ANKFY1: variants seen among roughly 807,000 people sequenced by gnomAD.
The protein encoded by ANKFY1 is ankyrin repeat and FYVE domain-containing protein 1.
A neutral mutation model predicts 128.3 loss-of-function variants in ANKFY1; 47 were observed. The ratio of observed to expected loss-of-function variants is 0.37; its 90% CI spans 0.29 to 0.47. ANKFY1 has a LOEUF of 0.47. Ranked by LOEUF, ANKFY1 falls within the 20% of genes least tolerant of loss-of-function variation. The probability of loss-of-function intolerance (pLI) is 1.00; values close to 1 mark genes in which losing one functional copy is unlikely to be tolerated. For synonymous variants in ANKFY1, 553 were observed against 601.6 expected, an observed-to-expected ratio of 0.92 and a Z score of 1.18; for missense variants, 1,222 against 1,510.6, an observed-to-expected ratio of 0.81 and a Z score of 3.17.
chr17:4,261,469 G>C (rs990375891), intron 1 of ANKFY1, among the ~76,000 whole-genome samples: 10 of 152,352 alleles, frequency 6.6e-5, no homozygotes, highest in Middle Eastern at 6.8e-3. Context: ...AACAGAGCGA[G>C]ACTCCCTCAA....
intron 1 of ANKFY1, among the ~76,000 whole-genome samples, chr17:4,254,298 C>A (rs1251789997): frequency 1.0e-5 from 1 of 98,806 alleles, no homozygotes; most frequent in Non-Finnish European, 1.8e-5. Context: ...AGTGAGACTC[C>A]ATCTCAAAAA....
intron 2 of ANKFY1, among the ~76,000 whole-genome samples, chr17:4,239,872 T>C (rs1340179375): frequency 6.6e-6 from 1 of 152,100 alleles, no homozygotes; most frequent in Non-Finnish European, 1.5e-5. Flanking sequence ...CTAAGTCTTA[T>C]GTAGACTGAG....
intron 7 of ANKFY1, among the ~76,000 whole-genome samples, chr17:4,205,714 C>T (rs1317038738): frequency 6.7e-6 from 1 of 150,156 alleles, no homozygotes; most frequent in East Asian, 2.0e-4. Context: ...TGCACTCCAG[C>T]CTGGGCGACA....
In ANKFY1 at chr17:4,209,809, C is replaced by A; in HGVS notation, c.582+15G>T. The A allele has an allele frequency of 6.2e-7, 1 of 1,607,324 alleles. No individual in the cohort carries two copies. The highest frequency in any genetic ancestry group is 8.5e-7 in the Non-Finnish European group (1 of 1,174,600). ...CCAGCTAGAGTGCTTTGTTGACACC[C>A]TCAACCTCACTCACCCAATGACTTG... On this transcript the variant is annotated intron_variant, in intron 5 of 24. Transcript: ENST00000341657.
At chr17:4,215,450 C>G (rs112325625) in intron 4 of ANKFY1, among the ~76,000 whole-genome samples, 1 of 152,084 alleles carries the variant, frequency 6.6e-6, no homozygotes. Flanking sequence ...AAAAGAGCAA[C>G]GGCTGCTTCA....
At chr17:4,172,131 A>G (rs2059332595) in intron 22 of ANKFY1, among the ~76,000 whole-genome samples, 1 of 152,076 alleles carries the variant, frequency 6.6e-6, no homozygotes, top group Non-Finnish European at 1.5e-5. Context: ...ATAAGAAGGC[A>G]CCCCGTGTAT....
At chr17:4,189,689 ACGC>A (rs879588240) in intron 10 of ANKFY1, among the ~76,000 whole-genome samples, 6,433 of 148,886 alleles carry the variant, frequency 0.043, 188 homozygotes, top group African/African-American at 0.069. Context: ...CAGTAGGCCC[ACGC>A]CAGACAGTAG....
In ANKFY1 at chr17:4,235,877, T is replaced by G. The variant is rs753370039; in HGVS notation, c.217A>C (p.Lys73Gln). 6.2e-7 allele frequency: 1 copy of G among 1,613,362 alleles called. No homozygotes were observed. The highest frequency in any genetic ancestry group is 2.2e-5 in the East Asian group (1 of 44,884). ...GCACTGATGTGCCTGTCCCCAACCT[T>G]TATCTTCAGATCGCTGATGAAGAAA... is the stretch of plus-strand genomic sequence containing the variant. Reference protein sequence around the residue: ...EQEQYSDLKIKVGDRHISAHK... With the variant: ...EQEQYSDLKIQVGDRHISAHK... The change falls in exon 3 of 25, where the codon AAG becomes CAG. Residue 73 changes from lysine to glutamine, a missense_variant. Coordinates refer to ENST00000341657, the MANE Select transcript of ANKFY1 (RefSeq NM_001330063.2).
intron 21 of ANKFY1, among the ~76,000 whole-genome samples, 170 bp from the exon 22 acceptor site, chr17:4,172,850 C>A (rs2059345815): frequency 1.1e-4 from 17 of 152,194 alleles, no homozygotes; most frequent in Admixed American, 1.1e-3. Context: ...TAAGTGCATG[C>A]ATAACAAAAG....
chr17:4,174,993 T>C (rs1423720845), intron 19 of ANKFY1, among the ~76,000 whole-genome samples: 1 of 150,774 alleles, frequency 6.6e-6, no homozygotes, highest in Non-Finnish European at 1.5e-5. Flanking sequence ...CCTCCCAAAG[T>C]CCTGGGATTA....
intron 18 of ANKFY1, among the ~76,000 whole-genome samples, chr17:4,177,590 G>GA (rs1401044682): frequency 1.3e-5 from 2 of 152,142 alleles, no homozygotes; most frequent in Non-Finnish European, 2.9e-5. Context: ...GGAAAACCAA[G>GA]AAAAAGACAA....
At chr17:4,177,359 C>A in intron 18 of ANKFY1, 57 bp from the exon 19 acceptor site, 1 of 1,476,492 alleles carries the variant, frequency 6.8e-7, no homozygotes, top group Non-Finnish European at 9.2e-7. Context: ...ACCTCCTGAG[C>A]TTCATCTGCA....
chr17:4,226,778 C>T (rs2060433829), intron 3 of ANKFY1, among the ~76,000 whole-genome samples: 1 of 143,342 alleles, frequency 7.0e-6, no homozygotes, highest in Non-Finnish European at 1.5e-5. Flanking sequence ...AAATAGAAAA[C>T]AACCAACAGA....
chr17:4,187,517 C>A (rs1567923102), intron 11 of ANKFY1: 3 of 369,376 alleles, frequency 8.1e-6, no homozygotes, highest in Non-Finnish European at 1.4e-5. Context: ...AGCCAGTGTT[C>A]CAGGCCCTTC....
At chr17:4,262,987 G>C (rs931529236) in intron 1 of ANKFY1, among the ~76,000 whole-genome samples, 2 of 152,112 alleles carry the variant, frequency 1.3e-5, no homozygotes, top group Non-Finnish European at 2.9e-5. Flanking sequence ...TCGTGGCCAA[G>C]CACACTGCAG....
At position 4,184,987 on chromosome 17, in the gene ANKFY1, G is replaced by C; in HGVS notation, c.1530C>G (p.Leu510=). ...GGTTTGGGTTGGCGCCTTGCTGCAG[G>C]AGCTCTGCCGTGAGGTTGGCCAGGC... is the stretch of plus-strand genomic sequence containing the variant. ...RHGLANLTAE[L]LQQGANPNLQ... is the part of the protein sequence containing the mutation. Residue 510 remains leucine (L), a synonymous_variant, in exon 12 of 25, where the codon CTC becomes CTG. Coordinates refer to ENST00000341657, the MANE Select transcript of ANKFY1 (RefSeq NM_001330063.2). 6.2e-7 allele frequency: 1 copy of C among 1,613,994 alleles called. No individual in the cohort carries two copies. Among genetic ancestry groups the C allele is most frequent in the Non-Finnish European group, 8.5e-7 (1 of 1,180,042 alleles).
rs950774585 is a variant in ANKFY1, at chr17:4,167,644, T to C, written c.*135A>G. The C allele has an allele frequency of 5.0e-6, 4 of 802,870 alleles. No individual in the cohort carries two copies. Among genetic ancestry groups the C allele is most frequent in the African/African-American group, 3.5e-5 (2 of 57,874 alleles). The allele number at this position is 802,870 out of a possible 1,614,324, so 49.7% of individuals were successfully genotyped here. A position where few individuals can be genotyped will look rare whatever the true frequency, so the allele number is the denominator to read the frequency against. On this transcript the variant is annotated 3_prime_UTR_variant, in exon 25 of 25. Transcript: ENST00000341657. The surrounding 1 kb of genome is among the most constrained non-coding windows in gnomAD (Gnocchi z 4.1). ...ATTTGAAATGGGATCTATCACACCA[T>C]GGTCCTTAATCGTTCCAGTCTATTG...
At chr17:4,225,379 T>C (rs1038431257) in intron 3 of ANKFY1, among the ~76,000 whole-genome samples, 11 of 152,118 alleles carry the variant, frequency 7.2e-5, no homozygotes, top group African/African-American at 2.4e-4. Flanking sequence ...TTTTGCTTCA[T>C]AGAATTAAAA....
intron 7 of ANKFY1, among the ~76,000 whole-genome samples, chr17:4,203,845 G>A (rs2014891): frequency 0.51 from 56,406 of 111,400 alleles, 14,569 homozygotes; most frequent in East Asian, 0.72. Context: ...AAAAAAAAAA[G>A]AAAGAAAGAA....
Sources: allele counts gnomAD v4.1 joint callset (sites outside exome capture counted in the v4.1 genomes callset), GRCh38; gene constraint gnomAD v4.1.1; non-coding constraint Gnocchi (gnomAD v3.1); transcripts MANE v1.5; gene names NCBI Gene and HGNC (gene_info 2026-07-23, HGNC 2026-07-21).